The following GON4L variants were observed in gnomAD, a reference collection of about 807,000 sequenced individuals.
GON4L encodes the protein gon-4 like, also known as GON-4-like protein.
Under a neutral mutation model 211.8 loss-of-function variants are expected in GON4L, and 87 were observed. The observed-to-expected ratio is 0.41, with a 90% confidence interval of 0.35 to 0.49. The LOEUF is 0.49. Among genes scored for constraint, GON4L ranks in the 20% least tolerant of loss-of-function variants. The pLI is 0.15. For synonymous variants in GON4L, 875 were observed against 962.6 expected (o/e 0.91, Z 1.68); for missense variants, 2,155 against 2,659.5 (o/e 0.81, Z 4.17).
At chr1:155,835,079 G>A (rs988148473) in intron 2 of GON4L, among the ~76,000 whole-genome samples, 6 of 152,222 alleles carry the variant, frequency 3.9e-5, no homozygotes, top group African/African-American at 1.2e-4. Context: ...GATGGTTGCC[G>A]TGTCTGTGTA....
At chr1:155,826,101 T>C (rs1284974290) in intron 3 of GON4L, among the ~76,000 whole-genome samples, 1 of 151,742 alleles carries the variant, frequency 6.6e-6, no homozygotes, top group Non-Finnish European at 1.5e-5. Context: ...TAGTCCCAGC[T>C]ACTTAGGGCT....
chr1:155,812,514 C>T (rs1037630429), intron 10 of GON4L, among the ~76,000 whole-genome samples: 1 of 151,264 alleles, frequency 6.6e-6, no homozygotes, highest in African/African-American at 2.4e-5. Context: ...CAGATAAAAC[C>T]AGAATAAGCA....
intron 6 of GON4L, among the ~76,000 whole-genome samples, chr1:155,819,095 G>A (rs1413758483): frequency 6.6e-6 from 1 of 151,882 alleles, no homozygotes; most frequent in Non-Finnish European, 1.5e-5. Context: ...TTTGAAACCA[G>A]GCTGGCCAAA....
intron 2 of GON4L, among the ~76,000 whole-genome samples, chr1:155,846,391 C>T (rs1157921383): frequency 3.3e-5 from 5 of 151,546 alleles, no homozygotes; most frequent in Admixed American, 1.3e-4. Context: ...GGTGTGGTGG[C>T]GGGCACCTGT....
chr1:155,815,696 G>A (rs552345942), intron 8 of GON4L, 109 bp downstream of exon 8: 2 of 730,466 alleles, frequency 2.7e-6, no homozygotes, highest in East Asian at 5.3e-5. Context: ...GCACAGAAAT[G>A]AGCTGAAAAA....
chr1:155,751,385 AAAAT>A (rs1660565283), intron 31 of GON4L, among the ~76,000 whole-genome samples: 2 of 152,108 alleles, frequency 1.3e-5, no homozygotes, highest in African/African-American at 2.4e-5. Flanking sequence ...GTGTCTACTA[AAAAT>A]AAATAAATTA....
rs558152321 is a variant in GON4L at position 155,793,096 on chromosome 1, C to T, written c.1747+1954G>A. ...CAAAAGACTCTTCCTTTGGTTTCTA[C>T]GACACTAGATTTTCTAGGTTTTTCT... On this transcript the variant is annotated intron_variant, in intron 12 of 31. Coordinates refer to ENST00000368331, the MANE Select transcript of GON4L (RefSeq NM_001282860.2). Among the ~76,000 whole-genome samples, 7 of 152,174 alleles carry T rather than the reference C, an allele frequency of 4.6e-5. No homozygotes were observed. The South Asian group carries it at 6.2e-4, about 14-fold the overall frequency.
intron 11 of GON4L, among the ~76,000 whole-genome samples, chr1:155,795,721 C>T (rs918888177): frequency 2.0e-5 from 3 of 152,070 alleles, no homozygotes; most frequent in Non-Finnish European, 4.4e-5. Context: ...CTCACTGCAG[C>T]CTTGACTGCC....
intron 6 of GON4L, among the ~76,000 whole-genome samples, chr1:155,817,265 A>G (rs1252767615): frequency 1.3e-5 from 2 of 152,192 alleles, no homozygotes; most frequent in African/African-American, 4.8e-5. Context: ...AAGCACTGGG[A>G]TTATAGGTGT....
chr1:155,808,458 T>C (rs1418652710), intron 10 of GON4L, among the ~76,000 whole-genome samples: 1 of 152,150 alleles, frequency 6.6e-6, no homozygotes, highest in Non-Finnish European at 1.5e-5. Flanking sequence ...GATCCCACCC[T>C]TCATGTAGTT....
rs980568355 is a variant in GON4L, at chr1:155,751,700, CCTTT to C, written c.6576+63_6576+66del. On this transcript the variant is annotated intron_variant, in intron 31 of 31. Transcript: ENST00000368331. ...TTGGATATCAAAACTCCTTCTTTGG[CCTTT>C]CTGTCTGTTAGTTGGCCACCTTGAC... 268 of 1,060,740 alleles carry C rather than the reference CCTTT, an allele frequency of 2.5e-4. 1 individual carries two copies. In the South Asian group the frequency reaches 3.1e-3, roughly 12 times the overall value. The allele number at this position is 1,060,740 out of a possible 1,614,324, so 65.7% of individuals were successfully genotyped here.
In GON4L at chr1:155,805,944, C is replaced by A. The variant is rs553276238; in HGVS notation, c.1453-803G>T. 2.6e-5 allele frequency among the ~76,000 whole-genome samples: 4 copies of A among 151,778 alleles called. No homozygotes were observed. The East Asian group carries it at 7.8e-4, about 29-fold the overall frequency. ...ACCTCAGGTATCTGCCCACCTCAGC[C>A]TCCCAAAGTGTTCGGATTACAGCTG... is the stretch of plus-strand genomic sequence containing the variant. On this transcript the variant is annotated intron_variant, in intron 10 of 31. Coordinates refer to ENST00000368331, the MANE Select transcript of GON4L (RefSeq NM_001282860.2).
chr1:155,777,599 A>G (rs2101852208), intron 15 of GON4L, 23 bp downstream of exon 15: 2 of 1,586,482 alleles, frequency 1.3e-6, no homozygotes, highest in African/African-American at 1.3e-5. Flanking sequence ...ATCCAATGTT[A>G]ACATGACCAA....
chr1:155,794,352 G>A (rs1391054056), intron 12 of GON4L, among the ~76,000 whole-genome samples: 1 of 152,184 alleles, frequency 6.6e-6, no homozygotes, highest in East Asian at 1.9e-4. Context: ...GATTACAGGC[G>A]TGAGCCACCA....
rs576486346 is a variant in GON4L, at chr1:155,749,718, C to T, written c.*866G>A. On this transcript the variant is annotated 3_prime_UTR_variant, in exon 32 of 32. Transcript: ENST00000368331. ...CCTGGATTAAAAGTGCTGAAAAAGT[C>T]CACAGTTAAACATTCCTTTATTCAC... 1,205 of 1,084,796 alleles carry T rather than the reference C, an allele frequency of 1.1e-3. 92 individuals are homozygous for T. In the Middle Eastern group the frequency reaches 0.019, roughly 18 times the overall value. 67.2% of individuals were successfully genotyped at this position (1,084,796 alleles called of 1,614,324 possible). A position where few individuals can be genotyped will look rare whatever the true frequency, so the allele number is the denominator to read the frequency against.
rs1557870389 is a variant in GON4L, at chr1:155,795,118, T to C, written c.1679A>G (p.Asn560Ser). 5 of 1,609,058 alleles carry C rather than the reference T, an allele frequency of 3.1e-6. No homozygotes were observed. Among genetic ancestry groups the C allele is most frequent in the Non-Finnish European group, 4.3e-6 (5 of 1,175,384 alleles). ...TGGTTCATCGAGGTCTTCCAGGAAA[T>C]TATATTCTGGATCATCATCATCATC... ...EADDDDDPEY[N>S]FLEDLDEPDT... is the part of the protein sequence containing the mutation. The change falls in exon 12 of 32, where the codon AAT (asparagine) becomes AGT (serine). Residue 560 changes from asparagine to serine, a missense_variant. By Grantham distance (46) the Asn-to-Ser change is conservative. Coordinates refer to ENST00000368331, the MANE Select transcript of GON4L (RefSeq NM_001282860.2).
At chr1:155,749,361 C>T (rs1488517264), downstream of GON4L, 2 of 1,609,852 alleles carry the variant, frequency 1.2e-6, no homozygotes, top group African/African-American at 2.7e-5. Flanking sequence ...ACCCTCTGCC[C>T]TTCATGCATG....
At chr1:155,833,866 C>T (rs1670048850) in intron 2 of GON4L, among the ~76,000 whole-genome samples, 1 of 151,798 alleles carries the variant, frequency 6.6e-6, no homozygotes, top group Non-Finnish European at 1.5e-5. Flanking sequence ...CTTGCTCTGT[C>T]ACCCAGGTTG....
chr1:155,745,270 T>G (rs181330327), downstream of GON4L, among the ~76,000 whole-genome samples: 46 of 152,242 alleles, frequency 3.0e-4, no homozygotes, highest in African/African-American at 1.1e-3. Flanking sequence ...TTACATAAAG[T>G]GTTACATACA....
Sources: allele counts gnomAD v4.1 joint callset (sites outside exome capture counted in the v4.1 genomes callset), GRCh38; gene constraint gnomAD v4.1.1; transcripts MANE v1.5; gene names NCBI Gene and HGNC (gene_info 2026-07-23, HGNC 2026-07-21).